Variants in DYRK1A observed in about 807,000 individuals in gnomAD.
The protein encoded by DYRK1A is dual specificity tyrosine phosphorylation regulated kinase 1A.
A neutral mutation model predicts 79.7 loss-of-function variants in DYRK1A; 9 were observed. The ratio of observed to expected loss-of-function variants is 0.11; its 90% confidence interval spans 0.07 to 0.20. The LOEUF (loss-of-function observed/expected upper bound fraction) is 0.20. Among genes scored for constraint, DYRK1A ranks in the 10% least tolerant of loss-of-function variants. DYRK1A has a pLI of 1.00. For synonymous variants in DYRK1A, 349 were observed against 329.7 expected, an observed-to-expected ratio of 1.06 and a Z score of -0.63; for missense variants, 622 against 956.0, an observed-to-expected ratio of 0.65 and a Z score of 4.61.
At chr21:37,462,148 C>T (rs904048352) in intron 2 of DYRK1A, among the ~76,000 whole-genome samples, 2 of 152,140 alleles carry the variant, frequency 1.3e-5, no homozygotes, top group Non-Finnish European at 2.9e-5. Context: ...CTCTTTCTGT[C>T]ATTTCTGAGT....
At position 37,432,408 on chromosome 21, in the gene DYRK1A, T is replaced by C. The variant is rs111780871; in HGVS notation, c.10+12024T>C. On this transcript the variant is annotated intron_variant, in intron 2 of 11. Coordinates refer to ENST00000647188, the MANE Select transcript of DYRK1A (RefSeq NM_001347721.2). ...GCAGGATTGCCCTTAGGTTAGAGAA[T>C]AGAAATATCTACTTGGCTTAACGTT... 2.9e-3 allele frequency among the ~76,000 whole-genome samples: 444 copies of C among 152,290 alleles called. 1 individual carries two copies. The highest frequency in any genetic ancestry group is 0.01 in the African/African-American group (426 of 41,564).
At chr21:37,413,680 T>C (rs916370461) in intron 1 of DYRK1A, among the ~76,000 whole-genome samples, 1 of 152,230 alleles carries the variant, frequency 6.6e-6, no homozygotes. Context: ...CACTAAGCGC[T>C]GGATCTCAGC....
At chr21:37,402,419 TA>T (rs1265678661) in intron 1 of DYRK1A, among the ~76,000 whole-genome samples, 5 of 152,234 alleles carry the variant, frequency 3.3e-5, no homozygotes, top group Non-Finnish European at 5.9e-5. Flanking sequence ...TTTAGCACTT[TA>T]ATGGTGTTCC....
chr21:37,374,668 T>G (rs2148358805), intron 1 of DYRK1A, among the ~76,000 whole-genome samples: 1 of 152,218 alleles, frequency 6.6e-6, no homozygotes. Context: ...TTCTTGTGCC[T>G]CAGCCTCCCA....
chr21:37,457,037 C>CTTACTTACTTACTTACTTACTTAT lies in DYRK1A; in HGVS notation c.11-15644_11-15643insCTTACTTACTTACTTACTTATTTA, dbSNP rs1035437095. 1.7e-4 allele frequency among the ~76,000 whole-genome samples: 10 copies of CTTACTTACTTACTTACTTACTTAT among 59,248 alleles called. No individual in the cohort carries two copies. The East Asian group carries it at 4.7e-3, about 28-fold the overall frequency. 38.9% of individuals were successfully genotyped at this position (59,248 alleles called of 152,430 possible). A position where few individuals can be genotyped will look rare whatever the true frequency, so the allele number is the denominator to read the frequency against. The stretch of plus-strand genomic sequence containing the variant: ...ATTTACTTACTTACTTACTTACTTA[C>CTTACTTACTTACTTACTTACTTAT]TTATTTATTTATTTATTTATTTATT... On this transcript the variant is annotated intron_variant, in intron 2 of 11. Transcript: ENST00000647188.
chr21:37,411,820 A>T (rs960044876), intron 1 of DYRK1A, among the ~76,000 whole-genome samples: 20 of 152,216 alleles, frequency 1.3e-4, no homozygotes, highest in African/African-American at 4.3e-4. Flanking sequence ...TGCATTTTGT[A>T]TGTAATCCAC....
intron 2 of DYRK1A, among the ~76,000 whole-genome samples, chr21:37,472,340 T>A (rs1040571232): frequency 1.3e-5 from 2 of 152,196 alleles, no homozygotes; most frequent in Non-Finnish European, 2.9e-5. Flanking sequence ...GTTGGAGAAG[T>A]CCCTCAATAA....
At position 37,519,746 on chromosome 21, in the gene DYRK1A, T is replaced by TCG. The variant is rs1569413785; in HGVS notation, c.*7215_*7216insCG. 7.3e-6 allele frequency: 1 copy of TCG among 137,480 alleles called. No individual in the cohort carries two copies. Among genetic ancestry groups the TCG allele is most frequent in the African/African-American group, 3.1e-5 (1 of 32,500 alleles). The allele number at this position is 137,480 out of a possible 1,614,324, so 8.5% of individuals were successfully genotyped here. On this transcript the variant is annotated 3_prime_UTR_variant, in exon 12 of 12. Transcript: ENST00000647188. ...GGTTTGTTGTGGGAAGTTTTTTTTT[T>TCG]TTTTTTTTTTTTTGAGGCGGAGTCT...
At chr21:37,405,170 T>G (rs1470675546) in intron 1 of DYRK1A, among the ~76,000 whole-genome samples, 2 of 152,094 alleles carry the variant, frequency 1.3e-5, no homozygotes, top group Non-Finnish European at 2.9e-5. Flanking sequence ...TGAGGCCCAC[T>G]GAGAGGACTC....
chr21:37,509,661 G>C (rs7282923), intron 11 of DYRK1A, among the ~76,000 whole-genome samples: 82,533 of 151,982 alleles, frequency 0.54, 22,930 homozygotes, highest in African/African-American at 0.67. Flanking sequence ...CTGGGCTGAA[G>C]TGATCCTCCC....
chr21:37,380,917 C>T (rs2049643889), intron 1 of DYRK1A, among the ~76,000 whole-genome samples: 1 of 152,176 alleles, frequency 6.6e-6, no homozygotes, highest in African/African-American at 2.4e-5. Context: ...GCTTCCTTGG[C>T]TTGGGATCAT....
chr21:37,479,619 G>GTTTTTTTTTTTTTTTTTGTTTTTTTTT (rs2052555193), intron 4 of DYRK1A, among the ~76,000 whole-genome samples: 1 of 73,920 alleles, frequency 1.4e-5, no homozygotes, highest in Non-Finnish European at 2.3e-5. Flanking sequence ...TTTGTTTTTT[G>GTTTTTTTTTTTTTTTTTGTTTTTTTTT]TTTTTTTTTT....
intron 1 of DYRK1A, among the ~76,000 whole-genome samples, chr21:37,406,682 A>G (rs2050150801): frequency 6.6e-6 from 1 of 151,966 alleles, no homozygotes; most frequent in Non-Finnish European, 1.5e-5. Flanking sequence ...AGCCTGGGAT[A>G]CAGAGTGAGA....
At chr21:37,461,336 C>T (rs985452865) in intron 2 of DYRK1A, among the ~76,000 whole-genome samples, 9 of 152,178 alleles carry the variant, frequency 5.9e-5, no homozygotes, top group African/African-American at 1.9e-4. Flanking sequence ...TTTATTTCTC[C>T]TGTCCTTTGT....
intron 2 of DYRK1A, among the ~76,000 whole-genome samples, chr21:37,452,560 A>G (rs772113770): frequency 2.6e-5 from 4 of 152,134 alleles, no homozygotes; most frequent in Non-Finnish European, 4.4e-5. Context: ...AATCTTTTCT[A>G]TAGCAGTGAG....
chr21:37,508,347 G>A (rs1474152837), intron 11 of DYRK1A, among the ~76,000 whole-genome samples: 4 of 152,184 alleles, frequency 2.6e-5, no homozygotes, highest in African/African-American at 7.2e-5. Flanking sequence ...GGGTGGAATG[G>A]AACAATCTCT....
intron 6 of DYRK1A, among the ~76,000 whole-genome samples, chr21:37,489,654 A>G (rs193301215): frequency 4.8e-4 from 73 of 151,636 alleles, no homozygotes; most frequent in African/African-American, 9.4e-4. Context: ...AAGGCTATCA[A>G]TGAAAATTGT....
chr21:37,441,131 T>C (rs1421786806), intron 2 of DYRK1A, among the ~76,000 whole-genome samples: 2 of 152,188 alleles, frequency 1.3e-5, no homozygotes, highest in South Asian at 2.1e-4. Context: ...TTTGACACTT[T>C]TATCATTGGA....
chr21:37,394,587 C>T (rs1018027233), intron 1 of DYRK1A, among the ~76,000 whole-genome samples: 1 of 152,134 alleles, frequency 6.6e-6, no homozygotes, highest in Non-Finnish European at 1.5e-5. Context: ...AGCTCTGCCT[C>T]CTGTCAGATC....
Sources: gnomAD v4.1 joint callset for allele counts (sites outside exome capture counted in the v4.1 genomes callset) on GRCh38, gnomAD v4.1.1 for gene constraint, MANE v1.5 for transcripts, NCBI Gene and HGNC (gene_info 2026-07-23, HGNC 2026-07-21) for gene names.